TNR: variants seen among roughly 807,000 people sequenced by gnomAD.
TNR encodes tenascin R, also known as tenascin-R.
In TNR, 45 loss-of-function variants were observed where a neutral mutation model predicts 150.4. The ratio of observed to expected loss-of-function variants is 0.30; its 90% CI spans 0.24 to 0.38. The LOEUF (loss-of-function observed/expected upper bound fraction) is 0.38, where lower values mean the gene tolerates loss of function less well. TNR is among the 10% of genes least tolerant of loss of function. The probability of loss-of-function intolerance (pLI) is 1.00; values close to 1 mark genes in which losing one functional copy is unlikely to be tolerated. For synonymous variants in TNR, 687 were observed against 678.4 expected (o/e 1.01, Z -0.20); for missense variants, 1,544 against 1,759.1 (o/e 0.88, Z 2.19).
rs368788339 is a variant in TNR, at chr1:175,572,452, A to G, written c.-164-44083T>C. Among the ~76,000 whole-genome samples, 349 of 152,242 alleles carry G rather than the reference A, an allele frequency of 2.3e-3. 2 individuals carry two copies. Among genetic ancestry groups the G allele is most frequent in the African/African-American group, 8.3e-3 (344 of 41,546 alleles). On this transcript the variant is annotated intron_variant, in intron 1 of 22. Coordinates refer to ENST00000367674, the MANE Select transcript of TNR (RefSeq NM_003285.3). ...GAATGGGCCCAAAGAAAAAAAATGG[A>G]CAGATAATGTCCCTCTTGATATTCC...
chr1:175,619,216 A>G (rs1186354909), intron 1 of TNR, among the ~76,000 whole-genome samples: 5 of 152,174 alleles, frequency 3.3e-5, no homozygotes, highest in Non-Finnish European at 4.4e-5. Context: ...AGACAGTTCC[A>G]TTAGAAAGCT....
chr1:175,488,221 T>G (rs944621511), intron 2 of TNR, among the ~76,000 whole-genome samples: 1 of 152,168 alleles, frequency 6.6e-6, no homozygotes, highest in East Asian at 1.9e-4. Context: ...ACTGCATCAC[T>G]GGGAATGGTG....
At chr1:175,383,011 G>A (rs1447808022) in intron 8 of TNR, among the ~76,000 whole-genome samples, 1 of 152,126 alleles carries the variant, frequency 6.6e-6, no homozygotes, top group African/African-American at 2.4e-5. Context: ...GCCTCTCCTA[G>A]CTGCTAGTGA....
intron 1 of TNR, among the ~76,000 whole-genome samples, chr1:175,742,651 G>A (rs749644275): frequency 3.3e-5 from 5 of 152,136 alleles, no homozygotes; most frequent in Non-Finnish European, 7.3e-5. Flanking sequence ...AGAAGAGAAA[G>A]TAAAAGGTCA....
intron 1 of TNR, among the ~76,000 whole-genome samples, chr1:175,551,793 A>C (rs990538702): frequency 1.3e-5 from 2 of 152,198 alleles, no homozygotes; most frequent in African/African-American, 4.8e-5. Context: ...AAAATAATGA[A>C]AATACAAAAT....
At chr1:175,372,520 G>A (rs1179413700) in intron 9 of TNR, among the ~76,000 whole-genome samples, 2 of 152,226 alleles carry the variant, frequency 1.3e-5, no homozygotes, top group Non-Finnish European at 1.5e-5. Flanking sequence ...GGCATAATGA[G>A]CATTCATAGA....
intron 1 of TNR, among the ~76,000 whole-genome samples, chr1:175,558,441 C>T (rs1181985227): frequency 6.6e-6 from 1 of 152,112 alleles, no homozygotes; most frequent in African/African-American, 2.4e-5. Flanking sequence ...CTATTATTAT[C>T]TACACTATAA....
intron 1 of TNR, among the ~76,000 whole-genome samples, chr1:175,637,653 G>A (rs139096331): frequency 1.3e-5 from 2 of 152,260 alleles, no homozygotes; most frequent in East Asian, 3.9e-4. Flanking sequence ...TCATCTTAAG[G>A]GGCCAAAATA....
At chr1:175,687,965 T>A (rs965018477) in intron 1 of TNR, among the ~76,000 whole-genome samples, 2 of 152,052 alleles carry the variant, frequency 1.3e-5, no homozygotes, top group Non-Finnish European at 2.9e-5. Flanking sequence ...TAAGAAGGAA[T>A]GTAAACAATA....
chr1:175,370,447 T>C (rs1652049556), intron 9 of TNR, among the ~76,000 whole-genome samples: 2 of 150,758 alleles, frequency 1.3e-5, no homozygotes, highest in East Asian at 3.9e-4. Flanking sequence ...TGACTTCTTG[T>C]TATTGGTTTG....
intron 1 of TNR, among the ~76,000 whole-genome samples, chr1:175,636,589 G>A (rs1318004545): frequency 1.3e-5 from 2 of 152,190 alleles, no homozygotes; most frequent in Non-Finnish European, 2.9e-5. Context: ...GCTATGACCA[G>A]TCACCCATGG....
chr1:175,623,026 TAAGG>T (rs1282450718), intron 1 of TNR, among the ~76,000 whole-genome samples: 1 of 152,210 alleles, frequency 6.6e-6, no homozygotes, highest in Admixed American at 6.5e-5. Context: ...TATTTCCAAA[TAAGG>T]TTACATTTTG....
intron 1 of TNR, among the ~76,000 whole-genome samples, chr1:175,562,486 T>C (rs928018240): frequency 3.3e-5 from 5 of 152,234 alleles, no homozygotes; most frequent in Admixed American, 6.5e-5. Flanking sequence ...TCAATAGAGA[T>C]AAATGTAAAA....
chr1:175,346,463 A>G (rs1227807596), intron 18 of TNR, among the ~76,000 whole-genome samples: 1 of 152,144 alleles, frequency 6.6e-6, no homozygotes, highest in Admixed American at 6.5e-5. Context: ...GGAGGGATAA[A>G]CAAACAGGAC....
At chr1:175,548,705 T>C (rs1161953196) in intron 1 of TNR, among the ~76,000 whole-genome samples, 1 of 150,912 alleles carries the variant, frequency 6.6e-6, no homozygotes, top group African/African-American at 2.4e-5. Flanking sequence ...GCCTCTCTAC[T>C]GGGGAGCACC....
At position 175,362,678 on chromosome 1, in the gene TNR, T is replaced by G; in HGVS notation, c.2839A>C (p.Thr947Pro). The G allele has an allele frequency of 6.2e-7, 1 of 1,613,890 alleles. No homozygotes were observed. The highest frequency in any genetic ancestry group is 8.5e-7 in the Non-Finnish European group (1 of 1,179,914). Residue 947 changes from threonine to proline, a missense_variant, in exon 14 of 23, where the codon ACT (threonine) becomes CCT (proline). Transcript: ENST00000367674. ...ACATTCCCACCTGTGTGCACAAGAG[T>G]ACAGATGCGCTCGCTTTCCTCCCTG... Reference protein sequence around the residue: ...RGREESERICTLVHTAMDNPV... With the variant: ...RGREESERICPLVHTAMDNPV...
intron 2 of TNR, among the ~76,000 whole-genome samples, chr1:175,463,189 ACCTTTACATAGGGCCTCATTAGGTT>A (rs959212226): frequency 2.0e-5 from 3 of 152,042 alleles, no homozygotes; most frequent in African/African-American, 7.2e-5. Context: ...ACAGCAGGTG[ACCTTTACATAGGGCCTCATTAGGTT>A]CCTTATACCA....
intron 18 of TNR, among the ~76,000 whole-genome samples, chr1:175,345,034 GGAGACGGAGGTTGCAGTGAGCC>G (rs1650711079): frequency 2.0e-5 from 3 of 151,938 alleles, no homozygotes; most frequent in African/African-American, 7.3e-5. Context: ...CTTGAACCCG[GGAGACGGAGGTTGCAGTGAGCC>G]GAGATCAAGC....
At chr1:175,725,619 G>GA (rs941020999) in intron 1 of TNR, among the ~76,000 whole-genome samples, 6 of 151,832 alleles carry the variant, frequency 4.0e-5, no homozygotes, top group East Asian at 1.9e-4. Context: ...ACAATTTGGG[G>GA]AAAAAAATAA....
Sources: gnomAD v4.1 joint callset for allele counts (sites outside exome capture counted in the v4.1 genomes callset) on GRCh38, gnomAD v4.1.1 for gene constraint, MANE v1.5 for transcripts, NCBI Gene and HGNC (gene_info 2026-07-23, HGNC 2026-07-21) for gene names.